Variants in SPTB observed in about 807,000 individuals in gnomAD.
SPTB encodes the protein spectrin beta chain, erythrocytic.
SPTB carries 45 observed loss-of-function variants against 256.2 expected under a neutral mutation model. That is an observed-to-expected ratio of 0.18 (90% CI 0.14 to 0.23). The LOEUF (loss-of-function observed/expected upper bound fraction) is 0.23. Among genes scored for constraint, SPTB ranks in the 10% least tolerant of loss-of-function variants. The pLI is 1.00. For synonymous variants in SPTB, 1,231 were observed against 1,243.1 expected (o/e 0.99, Z 0.21); for missense variants, 2,715 against 3,040.4 (o/e 0.89, Z 2.52).
chr14:64,841,572 T>C lies in SPTB; in HGVS notation c.-51-18427A>G, dbSNP rs1459794085. On this transcript the variant is annotated intron_variant, in intron 1 of 35. Coordinates refer to ENST00000644917, the MANE Select transcript of SPTB (RefSeq NM_001355436.2). This position sits in a 1 kb window ranked among gnomAD's most constrained non-coding sequence, Gnocchi z 4.6. ...CACAGAATGCACTGGGTCTCTAGCC[T>C]GCGTCAGATCCACATTTCTTGTGAG... 2.0e-5 allele frequency among the ~76,000 whole-genome samples: 3 copies of C among 152,120 alleles called. No individual in the cohort carries two copies. Among genetic ancestry groups the C allele is most frequent in the African/African-American group, 7.2e-5 (3 of 41,404 alleles).
At position 64,852,016 on chromosome 14, in the gene SPTB, G is replaced by A. The variant is rs571178855; in HGVS notation, c.-52+27776C>T. 2.0e-5 allele frequency among the ~76,000 whole-genome samples: 3 copies of A among 152,144 alleles called. No homozygotes were observed. The highest frequency in any genetic ancestry group is 2.4e-5 in the African/African-American group (1 of 41,486). ...CCTACACATCTGGCACATGTACCCC[G>A]GAACTTAAAATAAAAATATTTAAAA... On this transcript the variant is annotated intron_variant, in intron 1 of 35. Transcript: ENST00000644917. This position sits in a 1 kb window ranked among gnomAD's most constrained non-coding sequence, Gnocchi z 4.2.
At chr14:64,848,761 C>T (rs1417095033) in intron 1 of SPTB, among the ~76,000 whole-genome samples, 3 of 151,986 alleles carry the variant, frequency 2.0e-5, no homozygotes, top group South Asian at 2.1e-4. Context: ...AGGGGAATTC[C>T]AACATTTTCA....
rs956106298 is a variant in SPTB, at chr14:64,807,476, C to A, written c.149-2386G>T. 1.3e-5 allele frequency among the ~76,000 whole-genome samples: 2 copies of A among 152,212 alleles called. No individual in the cohort carries two copies. The highest frequency in any genetic ancestry group is 6.5e-5 in the Admixed American group (1 of 15,286). On this transcript the variant is annotated intron_variant, in intron 2 of 35. Coordinates refer to ENST00000644917, the MANE Select transcript of SPTB (RefSeq NM_001355436.2). The surrounding 1 kb of genome is among the most constrained non-coding windows in gnomAD (Gnocchi z 4.7). ...CCTGGACCCTCAAACGTGGGAGCCA[C>A]AGGTTTTGAGCACAGGCAGGTGGCC...
chr14:64,804,987 A>G lies in SPTB; in HGVS notation c.252T>C (p.Asp84=). The change falls in exon 3 of 36, where the codon GAT becomes GAC. Residue 84 remains aspartate, a synonymous_variant. Coordinates refer to ENST00000644917, the MANE Select transcript of SPTB (RefSeq NM_001355436.2). The part of the protein sequence containing the change: ...RITDLYKDLR[D]GRMLIKLLEV... ...CCAGCAGCTTGATGAGCATGCGCCC[A>G]TCCCGCAGGTCCTTGTAGAGATCGG... 3.1e-6 allele frequency: 5 copies of G among 1,614,136 alleles called. No individual in the cohort carries two copies. Among genetic ancestry groups the G allele is most frequent in the Non-Finnish European group, 4.2e-6 (5 of 1,180,040 alleles).
chr14:64,766,719 G>A lies in SPTB; in HGVS notation c.6345+7C>T. 4 of 1,613,642 alleles carry A rather than the reference G, an allele frequency of 2.5e-6. No individual in the cohort carries two copies. The highest frequency in any genetic ancestry group is 2.7e-5 in the African/African-American group (2 of 74,958). ...CAGGAACTAGACAAACGAGACCAGA[G>A]ACTGACCGGGGACGTTCTCTCGGTG... On this transcript the variant is annotated splice_region_variant and intron_variant, in intron 32 of 35. Transcript: ENST00000644917.
intron 32 of SPTB, among the ~76,000 whole-genome samples, chr14:64,765,947 AGTGT>A (rs961289877): frequency 8.0e-6 from 1 of 125,354 alleles, no homozygotes; most frequent in South Asian, 2.6e-4. Flanking sequence ...TGTGGGTGTG[AGTGT>A]GTGGATGTGT....
In SPTB at chr14:64,749,221, GGC is replaced by G. The variant is rs2081901460; in HGVS notation, c.*83_*84del. ...CGACTCGACTCATCTCGATTCGACC[GGC>G]GGGCGGCGGCGAGAGGAGGCCAAGG... is the stretch of plus-strand genomic sequence containing the variant. On this transcript the variant is annotated 3_prime_UTR_variant, in exon 36 of 36. Transcript: ENST00000644917. The surrounding 1 kb of genome is among the most constrained non-coding windows in gnomAD (Gnocchi z 4.7). 3 of 1,480,094 alleles carry G rather than the reference GGC, an allele frequency of 2.0e-6. No homozygotes were observed. Among genetic ancestry groups the G allele is most frequent in the Non-Finnish European group, 2.7e-6 (3 of 1,100,152 alleles). 91.7% of individuals were successfully genotyped at this position (1,480,094 alleles called of 1,614,324 possible).
chr14:64,767,408 CA>C lies in SPTB; in HGVS notation c.6220-57del, dbSNP rs1594753621. On this transcript the variant is annotated intron_variant, in intron 30 of 35. Coordinates refer to ENST00000644917, the MANE Select transcript of SPTB (RefSeq NM_001355436.2). ...CAGCCACAGAGGCGAGTTGTGTTCTCAGACGATCTCCCTCTGGATGCGGCCC... is the reference window on the plus strand; with the variant it reads ...CAGCCACAGAGGCGAGTTGTGTTCTCGACGATCTCCCTCTGGATGCGGCCC... The C allele has an allele frequency of 8.1e-6, 13 of 1,608,984 alleles. No homozygotes were observed. The East Asian group carries it at 2.9e-4, about 36-fold the overall frequency.
chr14:64,840,110 A>G (rs2083583832), intron 1 of SPTB, among the ~76,000 whole-genome samples: 3 of 152,256 alleles, frequency 2.0e-5, no homozygotes, highest in Admixed American at 6.5e-5. Flanking sequence ...TTAGAGATCA[A>G]GTTCCTTTCT....
intron 1 of SPTB, among the ~76,000 whole-genome samples, chr14:64,862,861 CAACAAT>C: frequency 1.5e-5 from 1 of 66,982 alleles, no homozygotes; most frequent in African/African-American, 3.8e-5. Flanking sequence ...AACAAATAAA[CAACAAT>C]AACAACAAAA....
intron 1 of SPTB, among the ~76,000 whole-genome samples, chr14:64,849,675 CCATT>C (rs1240851891): frequency 6.6e-6 from 1 of 152,178 alleles, no homozygotes; most frequent in Non-Finnish European, 1.5e-5. Flanking sequence ...GAGATGAGGG[CCATT>C]CCTAGTATGA....
intron 4 of SPTB, 36 bp downstream of exon 4, chr14:64,803,571 G>C (rs1387585839): frequency 6.2e-7 from 1 of 1,613,090 alleles, no homozygotes; most frequent in East Asian, 2.2e-5. Context: ...CAGCCTTGAG[G>C]GCTCCCTCGA....
chr14:64,753,832 C>T, intron 32 of SPTB, 39 bp from the exon 33 acceptor site: 2 of 1,607,708 alleles, frequency 1.2e-6, no homozygotes, highest in Middle Eastern at 1.7e-4. Context: ...TTTCTGGGTA[C>T]TCTGGCTTAG....
chr14:64,878,427 G>A (rs1206931218), intron 1 of SPTB, among the ~76,000 whole-genome samples: 1 of 152,110 alleles, frequency 6.6e-6, no homozygotes, highest in Non-Finnish European at 1.5e-5. Flanking sequence ...ATTGCATTTT[G>A]GAACCTGGGA....
intron 1 of SPTB, among the ~76,000 whole-genome samples, chr14:64,855,191 G>A (rs536627456): frequency 5.9e-5 from 9 of 152,294 alleles, no homozygotes; most frequent in African/African-American, 2.2e-4. Flanking sequence ...AAGCAGCAAA[G>A]CTAAGAAAAG....
chr14:64,797,502 A>AG (rs771525838), intron 10 of SPTB, among the ~76,000 whole-genome samples: 1 of 116,932 alleles, frequency 8.6e-6, no homozygotes, highest in South Asian at 3.0e-4. Flanking sequence ...AAAAAAAAAA[A>AG]GGACTCAGGG....
At chr14:64,767,501 G>T in intron 30 of SPTB, 149 bp from the exon 31 acceptor site, 1 of 1,389,108 alleles carries the variant, frequency 7.2e-7, no homozygotes, top group Non-Finnish European at 1.0e-6. Flanking sequence ...TGCATTCGGA[G>T]GTCAGTACTT....
Position 64,779,959 on chromosome 14 carries a change from C to T in SPTB, c.4267-28G>A. The stretch of plus-strand genomic sequence containing the variant: ...GAGACACAAGGGGACGGTGTCAGCA[C>T]CAGCCTTGGCACCTGCACAGCCCCT... On this transcript the variant is annotated intron_variant, in intron 20 of 35. Coordinates refer to ENST00000644917, the MANE Select transcript of SPTB (RefSeq NM_001355436.2). This position sits in a 1 kb window ranked among gnomAD's most constrained non-coding sequence, Gnocchi z 4.2. The T allele has an allele frequency of 6.3e-7, 1 of 1,595,218 alleles. No individual in the cohort carries two copies. The highest frequency in any genetic ancestry group is 1.3e-5 in the African/African-American group (1 of 74,604).
At position 64,767,965 on chromosome 14, in the gene SPTB, G is replaced by A. The variant is rs577895137; in HGVS notation, c.6023-106C>T. On this transcript the variant is annotated intron_variant, in intron 29 of 35. Coordinates refer to ENST00000644917, the MANE Select transcript of SPTB (RefSeq NM_001355436.2). ...AGTGGTCAGGCAGGTGGCCTGAATA[G>A]GTGTCCCTAAACCACATGGATACGC... is the stretch of plus-strand genomic sequence containing the variant. 1.8e-5 allele frequency: 23 copies of A among 1,312,136 alleles called. No individual in the cohort carries two copies. In the African/African-American group the frequency reaches 3.2e-4, roughly 18 times the overall value. 81.3% of individuals were successfully genotyped at this position (1,312,136 alleles called of 1,614,324 possible). A position where few individuals can be genotyped will look rare whatever the true frequency, so the allele number is the denominator to read the frequency against.
Sources: gnomAD v4.1 joint callset for allele counts (sites outside exome capture counted in the v4.1 genomes callset) on GRCh38, gnomAD v4.1.1 for gene constraint, Gnocchi (gnomAD v3.1) non-coding constraint, MANE v1.5 for transcripts, NCBI Gene and HGNC (gene_info 2026-07-23, HGNC 2026-07-21) for gene names.